Variants in GRB10 observed in about 807,000 individuals in gnomAD.
The protein encoded by GRB10 is growth factor receptor bound protein 10, also known as growth factor receptor-bound protein 10.
GRB10 carries 20 observed loss-of-function variants against 80.9 expected under a neutral mutation model. The ratio of observed to expected loss-of-function variants is 0.25; its 90% CI spans 0.17 to 0.36. GRB10 has a LOEUF of 0.36. Among genes scored for constraint, GRB10 ranks in the 10% least tolerant of loss-of-function variants. The pLI is 1.00. For missense variants in GRB10, 548 were observed against 747.7 expected (o/e 0.73, Z 3.12); for synonymous variants, 291 against 291.5 (o/e 1.00, Z 0.02).
At chr7:50,775,961 A>G (rs2077591259) in intron 2 of GRB10, among the ~76,000 whole-genome samples, 1 of 152,166 alleles carries the variant, frequency 6.6e-6, no homozygotes, top group African/African-American at 2.4e-5. Flanking sequence ...CAGACGCCCA[A>G]GGCCTCTCCT....
intron 4 of GRB10, among the ~76,000 whole-genome samples, chr7:50,717,618 T>C (rs937282909): frequency 6.6e-6 from 1 of 152,260 alleles, no homozygotes; most frequent in Non-Finnish European, 1.5e-5. Flanking sequence ...TATCCACCAC[T>C]GAAGCTACAA....
intron 4 of GRB10, among the ~76,000 whole-genome samples, chr7:50,710,189 G>A (rs2065677524): frequency 6.6e-6 from 1 of 152,006 alleles, no homozygotes; most frequent in Non-Finnish European, 1.5e-5. Flanking sequence ...ATGGATTGGT[G>A]CCCACCCTCT....
At chr7:50,761,043 T>C (rs2075708173) in intron 2 of GRB10, among the ~76,000 whole-genome samples, 1 of 152,168 alleles carries the variant, frequency 6.6e-6, no homozygotes, top group South Asian at 2.1e-4. Context: ...CATGCAAAGA[T>C]AGGTGGGTTT....
chr7:50,708,706 T>C (rs1275122028), intron 4 of GRB10, among the ~76,000 whole-genome samples: 3 of 128,078 alleles, frequency 2.3e-5, no homozygotes, highest in Non-Finnish European at 4.7e-5. Flanking sequence ...AGACAGAGTC[T>C]CACTCTGTCG....
Position 50,703,901 on chromosome 7 carries a change from A to T in GRB10, c.59T>A (p.Val20Glu). The change falls in exon 5 of 19, where the codon GTG becomes GAG. Residue 20 changes from valine (V) to glutamate (E), a missense_variant. Val to Glu is a moderately radical substitution (Grantham distance 121). Around this residue, in one of 4 missense-constraint regions of GRB10, gnomAD observed 245 missense variants for 229.3 expected, o/e 1.07. Coordinates refer to ENST00000401949, the MANE Select transcript of GRB10 (RefSeq NM_001350814.2). ...FLHHPYYQDK[V>E]EQTPRSQQDP... Reference sequence around the variant, plus strand: ...TTGTTGACTGCGAGGTGTCTGCTCCACCTTGTCCTAAAAAAACAGGACCGC... The same window carrying T: ...TTGTTGACTGCGAGGTGTCTGCTCCTCCTTGTCCTAAAAAAACAGGACCGC... The T allele has an allele frequency of 6.2e-7, 1 of 1,612,682 alleles. No homozygotes were observed. Among genetic ancestry groups the T allele is most frequent in the Non-Finnish European group, 8.5e-7 (1 of 1,179,022 alleles).
chr7:50,693,873 C>T (rs1276809417), intron 5 of GRB10, among the ~76,000 whole-genome samples: 2 of 151,956 alleles, frequency 1.3e-5, no homozygotes, highest in Non-Finnish European at 2.9e-5. Context: ...CTAAAGCAAC[C>T]ACACCAGCAA....
At chr7:50,779,258 T>G (rs2078028549) in intron 2 of GRB10, 1 of 152,146 alleles carries the variant, frequency 6.6e-6, no homozygotes, top group South Asian at 2.1e-4. Flanking sequence ...GCATAACACC[T>G]GGGAGCTGGT....
intron 11 of GRB10, among the ~76,000 whole-genome samples, chr7:50,615,101 C>A (rs2050336776): frequency 6.6e-6 from 1 of 152,196 alleles, no homozygotes; most frequent in African/African-American, 2.4e-5. Context: ...CTCAGACACA[C>A]AAGGCTGTTG....
exon 1 of GRB10, chr7:50,793,303 C>A (rs1392098322): frequency 6.9e-6 from 1 of 145,644 alleles, no homozygotes; most frequent in African/African-American, 2.5e-5. Flanking sequence ...CGGGTCCCCG[C>A]GGGGCGAGGC....
chr7:50,679,836 A>G (rs1034998360), intron 5 of GRB10, among the ~76,000 whole-genome samples: 2 of 152,240 alleles, frequency 1.3e-5, no homozygotes, highest in African/African-American at 4.8e-5. Context: ...TCAGGCTGCA[A>G]AAGTGTTTTC....
At chr7:50,686,245 C>A (rs1388260108) in intron 5 of GRB10, among the ~76,000 whole-genome samples, 1 of 152,136 alleles carries the variant, frequency 6.6e-6, no homozygotes, top group Non-Finnish European at 1.5e-5. Context: ...AGAGACCCTT[C>A]CCCATTCCAC....
At chr7:50,612,668 T>C (rs1352860460) in intron 13 of GRB10, 73 bp downstream of exon 13, 7 of 924,626 alleles carry the variant, frequency 7.6e-6, no homozygotes, top group Middle Eastern at 3.1e-4. Context: ...CCTGCCAGAA[T>C]AGACATCAAG....
chr7:50,710,605 G>T (rs2065743345), intron 4 of GRB10, among the ~76,000 whole-genome samples: 1 of 152,150 alleles, frequency 6.6e-6, no homozygotes, highest in Non-Finnish European at 1.5e-5. Context: ...CTGGATGAGA[G>T]GAGTGCCATC....
At chr7:50,679,450 T>C (rs1432923252) in intron 5 of GRB10, among the ~76,000 whole-genome samples, 1 of 152,202 alleles carries the variant, frequency 6.6e-6, no homozygotes, top group African/African-American at 2.4e-5. Context: ...TACAGCACCA[T>C]CTAGTGTCTT....
chr7:50,612,429 G>C (rs73131013), intron 13 of GRB10, among the ~76,000 whole-genome samples: 12,653 of 152,046 alleles, frequency 0.083, 800 homozygotes, highest in South Asian at 0.13. Context: ...CAGAGACCAG[G>C]TATGCCACAC....
At chr7:50,768,125 T>C (rs577782291) in intron 2 of GRB10, among the ~76,000 whole-genome samples, 5 of 152,182 alleles carry the variant, frequency 3.3e-5, no homozygotes, top group Non-Finnish European at 5.9e-5. Context: ...CACTCCATCA[T>C]TGACACCTCT....
At chr7:50,671,523 C>T (rs950075701) in intron 6 of GRB10, among the ~76,000 whole-genome samples, 1 of 152,186 alleles carries the variant, frequency 6.6e-6, no homozygotes, top group Non-Finnish European at 1.5e-5. Context: ...ATCAGTGCTG[C>T]GAAATACAGG....
intron 4 of GRB10, among the ~76,000 whole-genome samples, chr7:50,720,278 G>C (rs753141603): frequency 6.6e-6 from 1 of 152,170 alleles, no homozygotes; most frequent in Non-Finnish European, 1.5e-5. Context: ...TTTGTTTCTA[G>C]TTAAGATGAT....
Position 50,649,498 on chromosome 7 carries a change from C to T in GRB10, c.504+20224G>A, listed in dbSNP as rs530756503. On this transcript the variant is annotated intron_variant, in intron 7 of 18. Transcript: ENST00000401949. ...GGCCAGGGCAGCTAGAACACAGTGA[C>T]GACACACACGGGGGAGGGAATGGAG... Among the ~76,000 whole-genome samples, 196 of 152,300 alleles carry T rather than the reference C, an allele frequency of 1.3e-3. 8 individuals are homozygous for T. The South Asian group carries it at 0.04, about 31-fold the overall frequency.
Sources: allele counts gnomAD v4.1 joint callset (sites outside exome capture counted in the v4.1 genomes callset), GRCh38; gene constraint gnomAD v4.1.1; regional missense constraint gnomAD v4.1.1; transcripts MANE v1.5; gene names NCBI Gene and HGNC (gene_info 2026-07-23, HGNC 2026-07-21).